Variants in LIMCH1 observed in about 807,000 individuals in gnomAD.
LIMCH1 encodes the protein LIM and calponin homology domains 1.
In LIMCH1, 113 loss-of-function variants were observed where a neutral mutation model predicts 176.5. That is an observed-to-expected ratio of 0.64 (90% confidence interval 0.55 to 0.75). The LOEUF is 0.75. LIMCH1 is among the 30% of genes least tolerant of loss of function. The pLI, the probability that LIMCH1 is intolerant of heterozygous loss-of-function variation, is 0.00. For synonymous variants in LIMCH1, 619 were observed against 645.9 expected (o/e 0.96, Z 0.63); for missense variants, 1,674 against 1,814.9 (o/e 0.92, Z 1.41).
At chr4:41,692,806 G>T in intron 31 of LIMCH1, 1 of 163,608 alleles carries the variant, frequency 6.1e-6, no homozygotes, top group Non-Finnish European at 1.3e-5. Context: ...ATGTCTCCAC[G>T]CCCTACATTC....
intron 12 of LIMCH1, 21 bp from the exon 13 acceptor site, chr4:41,633,527 C>T: frequency 6.5e-7 from 1 of 1,532,932 alleles, no homozygotes; most frequent in Non-Finnish European, 8.7e-7. Flanking sequence ...CTTTGACTGG[C>T]TGGACTGAAT....
Position 41,552,450 on chromosome 4 carries a change from G to A in LIMCH1, c.-241+14100G>A, listed in dbSNP as rs534737207. Among the ~76,000 whole-genome samples, 62 of 152,208 alleles carry A rather than the reference G, an allele frequency of 4.1e-4. 1 individual carries two copies. The South Asian group carries it at 0.011, about 28-fold the overall frequency. On this transcript the variant is annotated intron_variant, in intron 1 of 31. Transcript: ENST00000503057. ...AGAGGAAGAACACTCCAGAAGGCTC[G>A]AATCATGAGCTCAGGGCCAATATAA...
intron 9 of LIMCH1, 113 bp downstream of exon 9, chr4:41,629,847 G>C: frequency 8.0e-7 from 1 of 1,248,500 alleles, no homozygotes; most frequent in South Asian, 1.6e-5. Context: ...TTGCTCTGTT[G>C]CCCAGGCTGG....
At chr4:41,679,468 G>C (rs1457074210) in intron 23 of LIMCH1, among the ~76,000 whole-genome samples, 2 of 152,180 alleles carry the variant, frequency 1.3e-5, no homozygotes, top group East Asian at 3.8e-4. Flanking sequence ...TCTTAATTCA[G>C]AAGTTACTTA....
At chr4:41,547,898 A>ATATATATATAT (rs1554094828) in intron 1 of LIMCH1, among the ~76,000 whole-genome samples, 2 of 64,326 alleles carry the variant, frequency 3.1e-5, no homozygotes, top group Admixed American at 1.6e-4. Flanking sequence ...TATATATATA[A>ATATATATATAT]ACAGTGAGTA....
intron 1 of LIMCH1, among the ~76,000 whole-genome samples, chr4:41,595,671 T>G (rs2088619668): frequency 1.3e-5 from 2 of 152,230 alleles, no homozygotes; most frequent in Admixed American, 1.3e-4. Flanking sequence ...GTGCCCCACA[T>G]AATTCACCAT....
chr4:41,463,404 A>G (rs1489537350), intron 1 of LIMCH1, among the ~76,000 whole-genome samples: 2 of 152,074 alleles, frequency 1.3e-5, no homozygotes. Flanking sequence ...TTGGTAGTAA[A>G]TCTGTGATAA....
At chr4:41,409,886 C>A (rs888138315) in intron 1 of LIMCH1, among the ~76,000 whole-genome samples, 1 of 152,202 alleles carries the variant, frequency 6.6e-6, no homozygotes, top group Non-Finnish European at 1.5e-5. Context: ...CAACTTAATT[C>A]ACTCTTCCCT....
intron 2 of LIMCH1, among the ~76,000 whole-genome samples, chr4:41,511,929 A>G (rs2074972509): frequency 6.6e-6 from 1 of 152,222 alleles, no homozygotes; most frequent in Non-Finnish European, 1.5e-5. Context: ...GACTATATCA[A>G]AATTAAAAAC....
chr4:41,633,926 A>G, intron 13 of LIMCH1, 118 bp downstream of exon 13: 1 of 1,195,978 alleles, frequency 8.4e-7, no homozygotes, highest in Non-Finnish European at 1.1e-6. Context: ...CAGAAACAGA[A>G]TGATCAAAAT....
At chr4:41,462,595 T>C (rs2065527362) in intron 1 of LIMCH1, among the ~76,000 whole-genome samples, 1 of 152,210 alleles carries the variant, frequency 6.6e-6, no homozygotes, top group South Asian at 2.1e-4. Context: ...TAGAAAAGCA[T>C]ACGTAAGTCA....
At chr4:41,622,060 G>T (rs764376523) in intron 7 of LIMCH1, among the ~76,000 whole-genome samples, 6 of 151,586 alleles carry the variant, frequency 4.0e-5, no homozygotes, top group Non-Finnish European at 8.8e-5. Flanking sequence ...ACACGTATGT[G>T]CTTCTGGAAT....
chr4:41,360,911 T>C lies in LIMCH1; in HGVS notation c.71T>C (p.Phe24Ser), dbSNP rs1243164276. 1 of 1,587,378 alleles carries C rather than the reference T, an allele frequency of 6.3e-7. No individual in the cohort carries two copies. Among genetic ancestry groups the C allele is most frequent in the South Asian group, 1.2e-5 (1 of 86,668 alleles). ...CCCGAGCCGCCCCCCGAGCCCGCCTTCTCCGAGGCGCAGAAGTGGATTGAG... is the reference window on the plus strand; with the variant it reads ...CCCGAGCCGCCCCCCGAGCCCGCCTCCTCCGAGGCGCAGAAGTGGATTGAG... The change falls in exon 1 of 27, where the codon TTC (phenylalanine) becomes TCC (serine). Residue 24 changes from phenylalanine (F) to serine (S), a missense_variant. Phe to Ser is a radical substitution (Grantham distance 155, BLOSUM62 -2). Transcript: ENST00000313860. The surrounding 1 kb of genome is among the most constrained non-coding windows in gnomAD (Gnocchi z 4.5).
intron 1 of LIMCH1, among the ~76,000 whole-genome samples, chr4:41,459,628 T>C (rs538752009): frequency 1.3e-5 from 2 of 152,012 alleles, no homozygotes; most frequent in South Asian, 4.2e-4. Flanking sequence ...ATGGAGGGAA[T>C]TTAACAGAGG....
At chr4:41,690,044 G>A (rs1034586256) in intron 30 of LIMCH1, among the ~76,000 whole-genome samples, 10 of 152,148 alleles carry the variant, frequency 6.6e-5, no homozygotes, top group African/African-American at 9.7e-5. Context: ...GTGGAAAATT[G>A]TCTGTCAATT....
intron 1 of LIMCH1, among the ~76,000 whole-genome samples, chr4:41,406,817 A>G (rs574156537): frequency 6.6e-6 from 1 of 152,272 alleles, no homozygotes; most frequent in East Asian, 1.9e-4. Flanking sequence ...GAGGCGGGAT[A>G]TATATTCATT....
rs192428414 is a variant in LIMCH1 at position 41,555,621 on chromosome 4, A to G, written c.-241+17271A>G. Among the ~76,000 whole-genome samples, 4 of 152,360 alleles carry G rather than the reference A, an allele frequency of 2.6e-5. No homozygotes were observed. The East Asian group carries it at 7.7e-4, about 29-fold the overall frequency. On this transcript the variant is annotated intron_variant, in intron 1 of 31. Coordinates refer to ENST00000503057, the MANE Select transcript of LIMCH1 (RefSeq NM_001330672.2). Reference sequence around the variant, plus strand: ...CAGGCAAAATGCCCTTGAGGAGCTTATCTTCTAATGAGAAAACAGATAATA... The same window carrying G: ...CAGGCAAAATGCCCTTGAGGAGCTTGTCTTCTAATGAGAAAACAGATAATA...
intron 1 of LIMCH1, among the ~76,000 whole-genome samples, chr4:41,461,381 G>A (rs1443514472): frequency 1.3e-5 from 2 of 152,130 alleles, no homozygotes; most frequent in African/African-American, 4.8e-5. Flanking sequence ...GACTAAAGAG[G>A]TTTTGCCTCA....
rs112286640 is a variant in LIMCH1 at position 41,373,069 on chromosome 4, C to T, written c.96+12133C>T. On this transcript the variant is annotated intron_variant, in intron 1 of 26. Transcript: ENST00000313860. The stretch of plus-strand genomic sequence containing the variant: ...TTTCCATTCCACCTGGAAGGATGGA[C>T]GCTGAGCACAGAATCACGCGTGTGA... 2.5e-3 allele frequency among the ~76,000 whole-genome samples: 382 copies of T among 152,240 alleles called. 5 individuals carry two copies. The highest frequency in any genetic ancestry group is 8.6e-3 in the African/African-American group (356 of 41,536).
Sources: allele counts gnomAD v4.1 joint callset (sites outside exome capture counted in the v4.1 genomes callset), GRCh38; gene constraint gnomAD v4.1.1; non-coding constraint Gnocchi (gnomAD v3.1); transcripts MANE v1.5; gene names NCBI Gene and HGNC (gene_info 2026-07-23, HGNC 2026-07-21).